The following GLIS3 variants were observed in gnomAD, a reference collection of about 807,000 sequenced individuals.
GLIS3 encodes the protein zinc finger protein GLIS3.
Under a neutral mutation model 78.6 loss-of-function variants are expected in GLIS3, and 53 were observed. The observed-to-expected ratio is 0.67, with a 90% confidence interval of 0.54 to 0.85. The LOEUF (loss-of-function observed/expected upper bound fraction) is 0.85. Ranked by LOEUF, GLIS3 falls within the 40% of genes least tolerant of loss-of-function variation. The pLI is 0.00. For missense variants in GLIS3, 1,703 were observed against 1,231.1 expected, an observed-to-expected ratio of 1.38 and a Z score of -5.74; for synonymous variants, 684 against 509.9, an observed-to-expected ratio of 1.34 and a Z score of -4.60.
At chr9:4,238,373 T>G (rs1822974484) in intron 2 of GLIS3, among the ~76,000 whole-genome samples, 1 of 152,168 alleles carries the variant, frequency 6.6e-6, no homozygotes, top group African/African-American at 2.4e-5. Context: ...GTGAATATAC[T>G]CCATTCTATT....
intron 2 of GLIS3, among the ~76,000 whole-genome samples, chr9:4,272,735 T>C (rs1471690812): frequency 1.3e-5 from 2 of 152,250 alleles, no homozygotes; most frequent in African/African-American, 4.8e-5. Context: ...TTAACTTATA[T>C]GAGGCTAATC....
chr9:3,997,788 G>A (rs1820852049), intron 4 of GLIS3, among the ~76,000 whole-genome samples: 2 of 151,796 alleles, frequency 1.3e-5, no homozygotes, highest in African/African-American at 4.8e-5. Context: ...AAGGAAATAG[G>A]AATAAGAAAA....
intron 2 of GLIS3, among the ~76,000 whole-genome samples, chr9:4,167,305 C>G (rs945359292): frequency 1.5e-4 from 23 of 152,234 alleles, no homozygotes; most frequent in African/African-American, 5.3e-4. Flanking sequence ...TGGGAGGTAA[C>G]TGAGTGAAAT....
chr9:4,467,086 G>C, the GLIS3 span, among the ~76,000 whole-genome samples: 1 of 152,216 alleles, frequency 6.6e-6, no homozygotes, highest in African/African-American at 2.4e-5. Context: ...GCTGGGGGAG[G>C]GGCATCTGCC....
chr9:3,992,171 T>A (rs376992628), intron 4 of GLIS3, among the ~76,000 whole-genome samples: 1 of 152,164 alleles, frequency 6.6e-6, no homozygotes, highest in African/African-American at 2.4e-5. Context: ...AATGTAACAT[T>A]TGGAGGACAA....
the GLIS3 span, among the ~76,000 whole-genome samples, chr9:4,394,110 G>C: frequency 3.9e-5 from 6 of 151,978 alleles, no homozygotes; most frequent in South Asian, 2.1e-4. Flanking sequence ...AAGAGTTTTT[G>C]ACTGAATTTA....
At chr9:4,132,668 T>A (rs1011993211) in intron 2 of GLIS3, among the ~76,000 whole-genome samples, 44 of 151,950 alleles carry the variant, frequency 2.9e-4, no homozygotes, top group African/African-American at 1.0e-3. Flanking sequence ...AGTCTAGCCA[T>A]GAAGATGCAC....
At chr9:4,007,534 C>G (rs1225386452) in intron 4 of GLIS3, among the ~76,000 whole-genome samples, 2 of 152,064 alleles carry the variant, frequency 1.3e-5, no homozygotes, top group Non-Finnish European at 2.9e-5. Context: ...TACTAACCAT[C>G]TCAGGGATAG....
At chr9:4,419,894 C>T in the GLIS3 span, among the ~76,000 whole-genome samples, 1 of 152,154 alleles carries the variant, frequency 6.6e-6, no homozygotes, top group African/African-American at 2.4e-5. Context: ...CAAATCATCT[C>T]CCACCAGGCC....
intron 4 of GLIS3, among the ~76,000 whole-genome samples, chr9:4,059,069 C>A (rs1395637409): frequency 1.3e-5 from 2 of 152,014 alleles, no homozygotes; most frequent in African/African-American, 2.4e-5. Context: ...CCTGAGTCAT[C>A]TAATCTATAG....
At chr9:3,886,034 G>A (rs1822050538) in intron 7 of GLIS3, among the ~76,000 whole-genome samples, 1 of 152,234 alleles carries the variant, frequency 6.6e-6, no homozygotes, top group South Asian at 2.1e-4. Context: ...CTGAACGCCA[G>A]TCAAGTGCTC....
At chr9:4,205,545 T>C (rs1054100738) in intron 2 of GLIS3, among the ~76,000 whole-genome samples, 1 of 152,154 alleles carries the variant, frequency 6.6e-6, no homozygotes, top group African/African-American at 2.4e-5. Context: ...CCTAGTGCTA[T>C]AAGAGAGGAA....
the GLIS3 span, among the ~76,000 whole-genome samples, chr9:4,366,413 G>A: frequency 6.6e-6 from 1 of 152,244 alleles, no homozygotes; most frequent in South Asian, 2.1e-4. Flanking sequence ...TCCTGGGATG[G>A]GAGGAAAGGA....
chr9:4,378,550 T>C, the GLIS3 span, among the ~76,000 whole-genome samples: 2 of 152,198 alleles, frequency 1.3e-5, no homozygotes, highest in East Asian at 3.8e-4. Flanking sequence ...ACTAGGCACC[T>C]GTATTTTCTC....
chr9:4,487,417 T>C, the GLIS3 span, among the ~76,000 whole-genome samples: 1 of 152,186 alleles, frequency 6.6e-6, no homozygotes. Flanking sequence ...AGATAATTAA[T>C]GCCCCCATTT....
At chr9:4,417,485 A>G in the GLIS3 span, among the ~76,000 whole-genome samples, 12 of 152,154 alleles carry the variant, frequency 7.9e-5, no homozygotes, top group African/African-American at 2.9e-4. Flanking sequence ...ACGTACCATT[A>G]TTTGGATGTA....
intron 4 of GLIS3, among the ~76,000 whole-genome samples, chr9:3,958,662 C>T (rs1244843479): frequency 6.6e-6 from 1 of 152,216 alleles, no homozygotes; most frequent in Admixed American, 6.5e-5. Flanking sequence ...AGAGTCCTCG[C>T]TCTCAGGAAA....
intron 2 of GLIS3, among the ~76,000 whole-genome samples, chr9:4,188,524 G>C (rs1818019667): frequency 6.6e-6 from 1 of 151,462 alleles, no homozygotes; most frequent in South Asian, 2.1e-4. Context: ...ATGAGTCAGG[G>C]AGGATTCCCT....
chr9:4,171,920 C>T (rs538533847), intron 2 of GLIS3, among the ~76,000 whole-genome samples: 5 of 152,154 alleles, frequency 3.3e-5, no homozygotes, highest in African/African-American at 4.8e-5. Flanking sequence ...AAGCAAAGGT[C>T]GAAAAGTGGC....
Sources: allele counts gnomAD v4.1 joint callset (sites outside exome capture counted in the v4.1 genomes callset), GRCh38; gene constraint gnomAD v4.1.1; transcripts MANE v1.5; gene names NCBI Gene and HGNC (gene_info 2026-07-23, HGNC 2026-07-21).